Variants in FXR1 observed in about 807,000 individuals in gnomAD.
The protein encoded by FXR1 is FMR1 autosomal homolog 1, also known as RNA-binding protein FXR1.
A neutral mutation model predicts 84.0 loss-of-function variants in FXR1; 15 were observed. The ratio of observed to expected loss-of-function variants is 0.18; its 90% CI spans 0.12 to 0.27. The LOEUF is 0.27. FXR1 is among the 10% of genes least tolerant of loss of function. The pLI is 1.00. For missense variants in FXR1, 480 were observed against 774.4 expected, an observed-to-expected ratio of 0.62 and a Z score of 4.51; for synonymous variants, 245 against 250.7, an observed-to-expected ratio of 0.98 and a Z score of 0.21.
chr3:180,938,566 G>A (rs1412395295), intron 3 of FXR1, among the ~76,000 whole-genome samples: 1 of 151,952 alleles, frequency 6.6e-6, no homozygotes, highest in Non-Finnish European at 1.5e-5. Context: ...TTTTATTTTT[G>A]AGATGGAGTT....
At chr3:180,951,917 T>C (rs1273909441) in intron 8 of FXR1, among the ~76,000 whole-genome samples, 2 of 152,264 alleles carry the variant, frequency 1.3e-5, no homozygotes, top group South Asian at 2.1e-4. Context: ...TAAAATGTTA[T>C]TCAGCCAGGT....
chr3:180,925,112 C>G (rs1719013314), intron 1 of FXR1, among the ~76,000 whole-genome samples: 1 of 151,978 alleles, frequency 6.6e-6, no homozygotes. Context: ...GCCTGTAATC[C>G]CAGCACTTTG....
chr3:180,957,899 G>A lies in FXR1; in HGVS notation c.961G>A (p.Asp321Asn). 6.5e-7 allele frequency: 1 copy of A among 1,548,528 alleles called. No homozygotes were observed. Among genetic ancestry groups the A allele is most frequent in the Non-Finnish European group, 8.9e-7 (1 of 1,127,128 alleles). Residue 321 changes from aspartate (D) to asparagine (N), a missense_variant, in exon 10 of 17, where the codon GAC becomes AAC. Transcript: ENST00000357559. The stretch of plus-strand genomic sequence containing the variant: ...TGTGGTTCGAGTGAGAATTGAAGGG[G>A]ACAATGAAAATAAATTACCCAGAGA... ...SGVVRVRIEG[D>N]NENKLPREDG...
At chr3:180,940,118 A>G (rs1429662456) in intron 3 of FXR1, among the ~76,000 whole-genome samples, 5 of 152,240 alleles carry the variant, frequency 3.3e-5, no homozygotes, top group Non-Finnish European at 5.9e-5. Context: ...AGAAGACAAC[A>G]TATGATTTAT....
At chr3:180,971,211 A>G (rs1459103830) in intron 15 of FXR1, 2 of 501,398 alleles carry the variant, frequency 4.0e-6, no homozygotes, top group South Asian at 2.1e-5. Context: ...AAAAATGTCT[A>G]TGTCTGCTTT....
rs141128839 is a variant in FXR1 at position 180,928,990 on chromosome 3, C to T, written c.52-4344C>T. ...TAGGCTGGAGTGCAATGCGCTTTCT[C>T]GGCTCACTGCAGCCTCCACCTCCTG... On this transcript the variant is annotated intron_variant, in intron 1 of 16. Transcript: ENST00000357559. Among the ~76,000 whole-genome samples, 360 of 151,928 alleles carry T rather than the reference C, an allele frequency of 2.4e-3. 1 individual carries two copies. The highest frequency in any genetic ancestry group is 8.3e-3 in the African/African-American group (345 of 41,438).
intron 9 of FXR1, among the ~76,000 whole-genome samples, chr3:180,957,133 C>G (rs185584111): frequency 6.6e-6 from 1 of 151,858 alleles, no homozygotes; most frequent in Non-Finnish European, 1.5e-5. Context: ...CCTTTTGACC[C>G]CTTTATTTAT....
intron 11 of FXR1, 129 bp from the exon 12 acceptor site, chr3:180,962,754 A>G (rs1712282300): frequency 1.5e-6 from 1 of 657,590 alleles, no homozygotes; most frequent in Non-Finnish European, 2.7e-6. Context: ...TTGACTAGGA[A>G]CACAATGCTC....
intron 1 of FXR1, among the ~76,000 whole-genome samples, chr3:180,924,814 A>C (rs1264997205): frequency 6.6e-6 from 1 of 152,116 alleles, no homozygotes; most frequent in Non-Finnish European, 1.5e-5. Flanking sequence ...CATTATACCT[A>C]AAACAGCATC....
rs778766624 is a variant in FXR1 at position 180,963,081 on chromosome 3, T to A, written c.1189T>A (p.Ser397Thr). The A allele has an allele frequency of 8.8e-6, 12 of 1,362,422 alleles. No individual in the cohort carries two copies. Among genetic ancestry groups the A allele is most frequent in the Admixed American group, 2.0e-5 (1 of 51,040 alleles). The allele number at this position is 1,362,422 out of a possible 1,614,324, so 84.4% of individuals were successfully genotyped here. A position where few individuals can be genotyped will look rare whatever the true frequency, so the allele number is the denominator to read the frequency against. The part of the protein sequence containing the change: ...GRGRRGPNYT[S>T]GYGTNSELSN... Reference sequence around the variant, plus strand: ...AGGTCGTCGGGGACCTAATTACACCTCCGGTTATGGTAAAAAAAAATTTTT... The same window carrying A: ...AGGTCGTCGGGGACCTAATTACACCACCGGTTATGGTAAAAAAAAATTTTT... Residue 397 changes from serine to threonine, a missense_variant, in exon 13 of 17, where the codon TCC (serine) becomes ACC (threonine). Ser to Thr is a moderately conservative substitution (Grantham distance 58). This residue lies in a region of FXR1 where 157 missense variants were observed against 227.8 expected (regional missense o/e 0.69). Transcript: ENST00000357559.
At chr3:180,915,812 A>C (rs2108416135) in intron 1 of FXR1, among the ~76,000 whole-genome samples, 1 of 152,366 alleles carries the variant, frequency 6.6e-6, no homozygotes, top group East Asian at 1.9e-4. Context: ...TTCACAAATT[A>C]ATTGGAACCA....
intron 1 of FXR1, among the ~76,000 whole-genome samples, chr3:180,925,498 C>T (rs1719066900): frequency 1.3e-5 from 2 of 152,080 alleles, no homozygotes; most frequent in South Asian, 4.1e-4. Context: ...TGATAAGAAA[C>T]CGCGGTCATT....
At chr3:180,913,601 A>T (rs1717513012) in intron 1 of FXR1, among the ~76,000 whole-genome samples, 1 of 152,058 alleles carries the variant, frequency 6.6e-6, no homozygotes, top group Non-Finnish European at 1.5e-5. Context: ...GGGCTGAAAA[A>T]CGTAAGAGGA....
At chr3:180,920,956 T>G (rs1226589989) in intron 1 of FXR1, among the ~76,000 whole-genome samples, 2 of 152,244 alleles carry the variant, frequency 1.3e-5, no homozygotes, top group Non-Finnish European at 2.9e-5. Context: ...TGTGTATTCT[T>G]AAAGAAATCT....
At chr3:180,965,600 T>G (rs543550596) in intron 13 of FXR1, among the ~76,000 whole-genome samples, 1 of 152,176 alleles carries the variant, frequency 6.6e-6, no homozygotes, top group Non-Finnish European at 1.5e-5. Flanking sequence ...TTCAGTAGTT[T>G]AGAAAATTTC....
intron 3 of FXR1, among the ~76,000 whole-genome samples, chr3:180,942,003 A>G (rs1262650576): frequency 1.3e-5 from 2 of 152,126 alleles, no homozygotes; most frequent in African/African-American, 2.4e-5. Context: ...ATTTCTTTGG[A>G]AAAATGGAAA....
intron 10 of FXR1, among the ~76,000 whole-genome samples, 174 bp from the exon 11 acceptor site, chr3:180,961,294 T>C (rs1245327566): frequency 6.9e-6 from 1 of 144,592 alleles, no homozygotes; most frequent in East Asian, 2.0e-4. Flanking sequence ...GAGCTGTGAT[T>C]GTAACACTGC....
intron 1 of FXR1, chr3:180,914,999 T>C (rs1215824051): frequency 4.6e-6 from 4 of 871,120 alleles, no homozygotes; most frequent in African/African-American, 1.8e-5. Flanking sequence ...ATTCTAGGTC[T>C]GTACTTCACC....
rs148268040 is a variant in FXR1, at chr3:180,949,286, T to C, written c.573T>C (p.Ser191=). ...VNILSDMHLR[S]IRTKLMLMSR... The stretch of plus-strand genomic sequence containing the variant: ...TCTTAAGTGACATGCATTTGCGAAG[T>C]ATTCGTACGAAGTTGATGCTTATGT... The change falls in exon 7 of 17, where the codon AGT becomes AGC. Residue 191 remains serine (S), a synonymous_variant. Coordinates refer to ENST00000357559, the MANE Select transcript of FXR1 (RefSeq NM_005087.4). 96 of 1,605,772 alleles carry C rather than the reference T, an allele frequency of 6.0e-5. No individual in the cohort carries two copies. The African/African-American group carries it at 9.5e-4, about 16-fold the overall frequency.
Sources: gnomAD v4.1 joint callset for allele counts (sites outside exome capture counted in the v4.1 genomes callset) on GRCh38, gnomAD v4.1.1 for gene constraint, gnomAD v4.1.1 regional missense constraint, MANE v1.5 for transcripts, NCBI Gene and HGNC (gene_info 2026-07-23, HGNC 2026-07-21) for gene names.